AOPEP: variants seen among roughly 807,000 people sequenced by gnomAD.
AOPEP encodes aminopeptidase O.
Under a neutral mutation model 98.1 loss-of-function variants are expected in AOPEP, and 77 were observed. The ratio of observed to expected loss-of-function variants is 0.78; its 90% CI spans 0.65 to 0.95. The LOEUF (loss-of-function observed/expected upper bound fraction) is 0.95, where lower values mean the gene tolerates loss of function less well. AOPEP is among the 40% of genes least tolerant of loss of function. The pLI, the probability that AOPEP is intolerant of heterozygous loss-of-function variation, is 0.00. For synonymous variants in AOPEP, 346 were observed against 365.3 expected (o/e 0.95, Z 0.60); for missense variants, 1,024 against 1,024.7 (o/e 1.00, Z 0.01).
intron 1 of AOPEP, among the ~76,000 whole-genome samples, chr9:94,750,990 G>C (rs1017560421): frequency 6.6e-6 from 1 of 151,796 alleles, no homozygotes; most frequent in Non-Finnish European, 1.5e-5. Flanking sequence ...CTCGTGATCC[G>C]CCCACCTTGG....
At chr9:95,137,678 AAGG>A in the AOPEP span, among the ~76,000 whole-genome samples, 59 of 152,328 alleles carry the variant, frequency 3.9e-4, no homozygotes, top group African/African-American at 1.4e-3. Flanking sequence ...TTGAATATCC[AAGG>A]TGGAAGCTCC....
chr9:94,771,084 G>A (rs2132790381), intron 2 of AOPEP, among the ~76,000 whole-genome samples: 1 of 152,270 alleles, frequency 6.6e-6, no homozygotes, highest in South Asian at 2.1e-4. Flanking sequence ...GATGGAGGCA[G>A]CCTTGGGGGC....
At chr9:94,860,470 A>G (rs2044795034) in intron 5 of AOPEP, among the ~76,000 whole-genome samples, 1 of 152,174 alleles carries the variant, frequency 6.6e-6, no homozygotes. Flanking sequence ...TGGTTCTAGA[A>G]TGAAGCGACA....
chr9:94,881,246 AT>A (rs71366267), intron 5 of AOPEP, among the ~76,000 whole-genome samples: 122,997 of 145,150 alleles, frequency 0.85, 53,279 homozygotes, highest in Non-Finnish European at 0.94. Context: ...TGCTGCTTCT[AT>A]TTTTTTTTTT....
intron 10 of AOPEP, among the ~76,000 whole-genome samples, chr9:94,976,443 T>A (rs978209195): frequency 6.6e-6 from 1 of 152,198 alleles, no homozygotes; most frequent in Non-Finnish European, 1.5e-5. Flanking sequence ...TTCACTGTCT[T>A]TTGTAAAATC....
rs371083241 is a variant in AOPEP at position 94,833,373 on chromosome 9, G to C, written c.1364+32371G>C. 5.2e-4 allele frequency among the ~76,000 whole-genome samples: 78 copies of C among 151,262 alleles called. 2 individuals carry two copies. In the South Asian group the frequency reaches 0.015, roughly 30 times the overall value. ...CTGCCTCAGCCTCCCAAGTAGCTGG[G>C]ATTACAGGTGTGTGCCACCACACTC... On this transcript the variant is annotated intron_variant, in intron 5 of 16. Coordinates refer to ENST00000375315, the MANE Select transcript of AOPEP (RefSeq NM_001193329.3).
the AOPEP span, among the ~76,000 whole-genome samples, chr9:95,143,606 G>A: frequency 1.5e-3 from 227 of 152,288 alleles, no homozygotes; most frequent in Non-Finnish European, 1.9e-3. Flanking sequence ...CGAGATCACC[G>A]TCATGCCTTC....
chr9:95,121,880 T>C, the AOPEP span, among the ~76,000 whole-genome samples: 1 of 149,916 alleles, frequency 6.7e-6, no homozygotes, highest in African/African-American at 2.5e-5. Flanking sequence ...TTTTTTGAGA[T>C]GGAGTCTCGC....
chr9:95,092,082 G>GCA (rs142129948), downstream of AOPEP, among the ~76,000 whole-genome samples: 8,336 of 138,332 alleles, frequency 0.06, 286 homozygotes, highest in Admixed American at 0.089. Context: ...GTGTGTGTGT[G>GCA]CACACACACA....
At chr9:95,051,322 T>C (rs1761773036) in intron 13 of AOPEP, among the ~76,000 whole-genome samples, 1 of 152,106 alleles carries the variant, frequency 6.6e-6, no homozygotes, top group African/African-American at 2.4e-5. Flanking sequence ...TCTCTTGACC[T>C]TGTGATCTAT....
At chr9:95,137,249 T>A in the AOPEP span, among the ~76,000 whole-genome samples, 1 of 152,092 alleles carries the variant, frequency 6.6e-6, no homozygotes, top group East Asian at 1.9e-4. Context: ...TCCTAGAGGT[T>A]TCACTTTTTC....
At chr9:95,095,759 C>T in the AOPEP span, among the ~76,000 whole-genome samples, 3 of 149,450 alleles carry the variant, frequency 2.0e-5, no homozygotes, top group Non-Finnish European at 3.0e-5. Context: ...GCCCCCTCTT[C>T]GTGAGATCGG....
chr9:94,762,916 A>G (rs911660818), intron 2 of AOPEP, among the ~76,000 whole-genome samples: 2 of 152,264 alleles, frequency 1.3e-5, no homozygotes, highest in Non-Finnish European at 1.5e-5. Context: ...ACAATACTTT[A>G]TGAATATAAT....
At chr9:94,850,406 A>G (rs1310336476) in intron 5 of AOPEP, among the ~76,000 whole-genome samples, 2 of 152,216 alleles carry the variant, frequency 1.3e-5, no homozygotes, top group Non-Finnish European at 2.9e-5. Context: ...CACTACAGAA[A>G]TGACCACTAA....
At chr9:95,102,176 T>C in the AOPEP span, among the ~76,000 whole-genome samples, 3 of 152,222 alleles carry the variant, frequency 2.0e-5, no homozygotes, top group East Asian at 1.9e-4. Flanking sequence ...CAGTCACAAG[T>C]TGTGGGATGA....
At chr9:95,096,679 G>A in the AOPEP span, among the ~76,000 whole-genome samples, 1 of 151,974 alleles carries the variant, frequency 6.6e-6, no homozygotes, top group Non-Finnish European at 1.5e-5. Flanking sequence ...ATGTGAGCTG[G>A]GAGGAGGTCG....
the AOPEP span, among the ~76,000 whole-genome samples, chr9:95,130,311 A>T: frequency 1.3e-5 from 2 of 152,072 alleles, no homozygotes; most frequent in Admixed American, 1.3e-4. Context: ...AGAGAGAGAG[A>T]GAGAGAGAGA....
intron 1 of AOPEP, among the ~76,000 whole-genome samples, chr9:94,732,480 GA>G (rs1830781186): frequency 6.6e-6 from 1 of 152,118 alleles, no homozygotes; most frequent in African/African-American, 2.4e-5. Context: ...AATTTTTCAG[GA>G]ATCTAGTCTA....
At chr9:95,066,964 T>C (rs1189993003) in intron 14 of AOPEP, among the ~76,000 whole-genome samples, 1 of 152,184 alleles carries the variant, frequency 6.6e-6, no homozygotes, top group Non-Finnish European at 1.5e-5. Flanking sequence ...CCACACAACT[T>C]TCTTTGAACA....
Sources: allele counts gnomAD v4.1 joint callset (sites outside exome capture counted in the v4.1 genomes callset), GRCh38; gene constraint gnomAD v4.1.1; transcripts MANE v1.5; gene names NCBI Gene and HGNC (gene_info 2026-07-23, HGNC 2026-07-21).